Variants in WIPF2 observed in about 807,000 individuals in gnomAD.
The protein encoded by WIPF2 is WAS/WASL-interacting protein family member 2.
In WIPF2, 23 loss-of-function variants were observed where a neutral mutation model predicts 38.8. The observed-to-expected ratio is 0.59, with a 90% CI of 0.43 to 0.84. The LOEUF is 0.84. WIPF2 is among the 40% of genes least tolerant of loss of function. The probability of loss-of-function intolerance (pLI) is 0.00; values close to 1 mark genes in which losing one functional copy is unlikely to be tolerated. For missense variants in WIPF2, 574 were observed against 580.5 expected (o/e 0.99, Z 0.11); for synonymous variants, 210 against 223.2 (o/e 0.94, Z 0.53).
intron 5 of WIPF2, 123 bp downstream of exon 5, chr17:40,265,269 T>C: frequency 8.1e-7 from 1 of 1,234,774 alleles, no homozygotes; most frequent in Non-Finnish European, 1.1e-6. Flanking sequence ...TACCTTTTTA[T>C]GTGTCAGGTC....
intron 1 of WIPF2, chr17:40,220,623 A>ATG (rs2030184463): frequency 2.7e-5 from 3 of 109,596 alleles, no homozygotes; most frequent in African/African-American, 1.1e-4. Context: ...ATATATGTAT[A>ATG]TATATATATT....
At position 40,282,148 on chromosome 17, in the gene WIPF2, C is replaced by G. The variant is rs908489471; in HGVS notation, c.*3923C>G. ...AAAAAAAAAAAAGGATAACTTTAAC[C>G]GAAGGAAGGGTTTGGTTCCATTCAA... On this transcript the variant is annotated 3_prime_UTR_variant, in exon 8 of 8. Coordinates refer to ENST00000323571, the MANE Select transcript of WIPF2 (RefSeq NM_133264.5). The G allele has an allele frequency of 6.7e-6, 1 of 149,718 alleles. No homozygotes were observed. Among genetic ancestry groups the G allele is most frequent in the African/African-American group, 2.5e-5 (1 of 40,576 alleles). 9.3% of individuals were successfully genotyped at this position (149,718 alleles called of 1,614,324 possible). A position where few individuals can be genotyped will look rare whatever the true frequency, so the allele number is the denominator to read the frequency against.
intron 1 of WIPF2, among the ~76,000 whole-genome samples, chr17:40,255,891 G>T (rs1017332468): frequency 2.0e-5 from 3 of 152,004 alleles, no homozygotes; most frequent in Non-Finnish European, 2.9e-5. Flanking sequence ...CTCCCAAAGT[G>T]CTGGGATTAC....
chr17:40,274,557 GAAAA>G (rs571085371), intron 6 of WIPF2, among the ~76,000 whole-genome samples: 7,147 of 24,264 alleles, frequency 0.29, 309 homozygotes, highest in East Asian at 0.44. Flanking sequence ...TGGAATTCTT[GAAAA>G]AAAAAAAAAA....
chr17:40,264,511 C>A lies in WIPF2; in HGVS notation c.335C>A (p.Ala112Asp), dbSNP rs1324752012. The A allele has an allele frequency of 1.2e-6, 2 of 1,614,080 alleles. No individual in the cohort carries two copies. The highest frequency in any genetic ancestry group is 1.7e-6 in the Non-Finnish European group (2 of 1,180,014). ...GTAGAGAACCTAGCTGGTAAGCCAG[C>A]CCTGCAAATCCCCAGTTCTCGAGCT... Reference protein sequence around the residue: ...DGSENLAGKPALQIPSSRAAA... With the variant: ...DGSENLAGKPDLQIPSSRAAA... Residue 112 changes from alanine to aspartate, a missense_variant, in exon 5 of 8, where the codon GCC becomes GAC. By Grantham distance (126) the Ala-to-Asp change is moderately radical. Transcript: ENST00000323571.
chr17:40,228,529 C>T (rs997232733), intron 1 of WIPF2, among the ~76,000 whole-genome samples: 2 of 151,792 alleles, frequency 1.3e-5, no homozygotes, highest in African/African-American at 2.4e-5. Flanking sequence ...TTTTGATGTT[C>T]GTTATTCATT....
chr17:40,266,017 C>T (rs1448251736), intron 5 of WIPF2, among the ~76,000 whole-genome samples: 1 of 152,032 alleles, frequency 6.6e-6, no homozygotes, highest in Non-Finnish European at 1.5e-5. Flanking sequence ...AATTGGCTAT[C>T]AGACTCCAAA....
At position 40,248,173 on chromosome 17, in the gene WIPF2, T is replaced by C. The variant is rs1238060296; in HGVS notation, c.-69-8218T>C. On this transcript the variant is annotated intron_variant, in intron 1 of 7. Transcript: ENST00000323571. ...ATTTAAAAGTTATTTCTTTTTTTTT[T>C]TTTTTTTTTTTTTTTTTGAGACTCT... Among the ~76,000 whole-genome samples the C allele has an allele frequency of 1.5e-5, 2 of 137,238 alleles. 1 individual carries two copies. The highest frequency in any genetic ancestry group is 1.5e-4 in the Admixed American group (2 of 13,768). The allele number at this position is 137,238 out of a possible 152,430, so 90.0% of individuals were successfully genotyped here.
intron 5 of WIPF2, among the ~76,000 whole-genome samples, chr17:40,270,882 T>TTGTGTGTGTGTGTGCG (rs1555564306): frequency 6.7e-6 from 1 of 150,362 alleles, no homozygotes; most frequent in Non-Finnish European, 1.5e-5. Context: ...TTGTGCCAGA[T>TTGTGTGTGTGTGTGCG]TGTGTGTGTG....
At chr17:40,252,709 A>G (rs2031597572) in intron 1 of WIPF2, among the ~76,000 whole-genome samples, 1 of 149,826 alleles carries the variant, frequency 6.7e-6, no homozygotes, top group Non-Finnish European at 1.5e-5. Flanking sequence ...ACCTCTGGTG[A>G]CTGGAATTAG....
At position 40,282,380 on chromosome 17, in the gene WIPF2, T is replaced by C. The variant is rs1254356484; in HGVS notation, c.*4155T>C. 2 of 152,382 alleles carry C rather than the reference T, an allele frequency of 1.3e-5. No individual in the cohort carries two copies. The highest frequency in any genetic ancestry group is 3.9e-4 in the East Asian group (2 of 5,188). 9.4% of individuals were successfully genotyped at this position (152,382 alleles called of 1,614,324 possible). ...GCCTTCTTTTCACATGTCTAATCTTTTCCTTTCTCATGGTGCCCTCCATGG... is the reference window on the plus strand; with the variant it reads ...GCCTTCTTTTCACATGTCTAATCTTCTCCTTTCTCATGGTGCCCTCCATGG... On this transcript the variant is annotated 3_prime_UTR_variant, in exon 8 of 8. Transcript: ENST00000323571.
intron 2 of WIPF2, among the ~76,000 whole-genome samples, chr17:40,259,393 C>T (rs1005188981): frequency 6.6e-6 from 1 of 150,954 alleles, no homozygotes; most frequent in Non-Finnish European, 1.5e-5. Flanking sequence ...CGAGATCGCA[C>T]CACTGTGCTC....
At chr17:40,272,910 A>C (rs1200079192) in intron 5 of WIPF2, among the ~76,000 whole-genome samples, 2 of 152,240 alleles carry the variant, frequency 1.3e-5, no homozygotes, top group South Asian at 4.1e-4. Context: ...CACAAGCTGC[A>C]GTGGAAGTGC....
rs777904684 is a variant in WIPF2, at chr17:40,277,070, A to G, written c.1181-13A>G. On this transcript the variant is annotated splice_polypyrimidine_tract_variant and intron_variant, in intron 6 of 7. Transcript: ENST00000323571. Reference sequence around the variant, plus strand: ...CAAGGATGATAGGAATTAATGTTCTATTCTTTTCGCAGATGATTTTGAGTC... The same window carrying G: ...CAAGGATGATAGGAATTAATGTTCTGTTCTTTTCGCAGATGATTTTGAGTC... The G allele has an allele frequency of 2.1e-5, 33 of 1,604,298 alleles. No homozygotes were observed. The highest frequency in any genetic ancestry group is 3.3e-5 in the South Asian group (3 of 90,040).
chr17:40,253,802 A>G (rs1030798285), intron 1 of WIPF2, among the ~76,000 whole-genome samples: 3 of 152,128 alleles, frequency 2.0e-5, no homozygotes, highest in African/African-American at 7.2e-5. Context: ...AGGAGTTGGG[A>G]TTTTGAAGAC....
In WIPF2 at chr17:40,279,067, G is replaced by C. The variant is rs1485312981; in HGVS notation, c.*842G>C. 1 of 152,208 alleles carries C rather than the reference G, an allele frequency of 6.6e-6. No individual in the cohort carries two copies. Among genetic ancestry groups the C allele is most frequent in the African/African-American group, 2.4e-5 (1 of 41,446 alleles). 9.4% of individuals were successfully genotyped at this position (152,208 alleles called of 1,614,324 possible). On this transcript the variant is annotated 3_prime_UTR_variant, in exon 8 of 8. Transcript: ENST00000323571. ...TGAAAGAAAAGTCACTTTTTGTGGA[G>C]GGCATCATTCATTCCTGATTCACAA...
At chr17:40,253,411 C>T (rs1431125555) in intron 1 of WIPF2, among the ~76,000 whole-genome samples, 1 of 152,154 alleles carries the variant, frequency 6.6e-6, no homozygotes, top group Non-Finnish European at 1.5e-5. Context: ...GCTGTGGGCA[C>T]TTTGGAATGG....
Position 40,276,991 on chromosome 17 carries a change from A to G in WIPF2, c.1181-92A>G. The G allele has an allele frequency of 3.6e-6, 4 of 1,108,842 alleles. No homozygotes were observed. The South Asian group carries it at 5.9e-5, about 16-fold the overall frequency. 68.7% of individuals were successfully genotyped at this position (1,108,842 alleles called of 1,614,324 possible). ...TCCTCACAGTACCTCAGAATGCCTGAGAGATTAGTAAGTGGGGAGGGTCGA... is the reference window on the plus strand; with the variant it reads ...TCCTCACAGTACCTCAGAATGCCTGGGAGATTAGTAAGTGGGGAGGGTCGA... On this transcript the variant is annotated intron_variant, in intron 6 of 7. Transcript: ENST00000323571.
intron 1 of WIPF2, among the ~76,000 whole-genome samples, chr17:40,221,413 G>A (rs2030231408): frequency 6.6e-6 from 1 of 151,928 alleles, no homozygotes; most frequent in Admixed American, 6.6e-5. Context: ...TTGCATAGAA[G>A]TGATCTCTGA....
Sources: gnomAD v4.1 joint callset for allele counts (sites outside exome capture counted in the v4.1 genomes callset) on GRCh38, gnomAD v4.1.1 for gene constraint, MANE v1.5 for transcripts, NCBI Gene and HGNC (gene_info 2026-07-23, HGNC 2026-07-21) for gene names.